PPP1R9B: variants seen among roughly 807,000 people sequenced by gnomAD.
PPP1R9B encodes the protein protein phosphatase 1 regulatory subunit 9B.
In PPP1R9B, 17 loss-of-function variants were observed where a neutral mutation model predicts 75.8. That is an observed-to-expected ratio of 0.22 (90% CI 0.15 to 0.34). PPP1R9B has a LOEUF of 0.34. Among genes scored for constraint, PPP1R9B ranks in the 10% least tolerant of loss-of-function variants. The pLI, the probability that PPP1R9B is intolerant of heterozygous loss-of-function variation, is 1.00. For synonymous variants in PPP1R9B, 509 were observed against 535.4 expected (o/e 0.95, Z 0.68); for missense variants, 875 against 1,196.0 (o/e 0.73, Z 3.96).
chr17:50,150,491 C>A lies in PPP1R9B; in HGVS notation c.23G>T (p.Gly8Val), dbSNP rs1298498691. Residue 8 changes from glycine (G) to valine (V), a missense_variant, in exon 1 of 10, where the codon GGG (glycine) becomes GTG (valine). Physicochemically the swap from Gly to Val is moderately radical, Grantham distance 109. Coordinates refer to ENST00000612501, the MANE Select transcript of PPP1R9B (RefSeq NM_032595.5). The surrounding 1 kb of genome is among the most constrained non-coding windows in gnomAD (Gnocchi z 8.7). ...GGCGCTCCGGAGGGGACCCCCGGGC[C>A]CCCGTGGCTCCGTCTTCATCATGGT... The part of the protein sequence containing the change: MMKTEPR[G>V]PGGPLRSASP... 2.2e-6 allele frequency: 3 copies of A among 1,356,586 alleles called. No homozygotes were observed. Among genetic ancestry groups the A allele is most frequent in the Non-Finnish European group, 2.9e-6 (3 of 1,051,054 alleles). 84.0% of individuals were successfully genotyped at this position (1,356,586 alleles called of 1,614,324 possible).
At chr17:50,147,580 G>C (rs968155572) in intron 1 of PPP1R9B, among the ~76,000 whole-genome samples, 2 of 151,948 alleles carry the variant, frequency 1.3e-5, no homozygotes, top group African/African-American at 4.8e-5. Flanking sequence ...AGGGTAAGGC[G>C]TCAAATATAG....
At position 50,135,657 on chromosome 17, in the gene PPP1R9B, C is replaced by T. The variant is rs370745428; in HGVS notation, c.2304-8G>A. On this transcript the variant is annotated splice_region_variant and splice_polypyrimidine_tract_variant and intron_variant, in intron 8 of 9. Transcript: ENST00000612501. ...TTCAGGAACTCGATCTCCCTGGGCA[C>T]AGGCAAGGGACAGATGGCAGGTAAG... 3.1e-6 allele frequency: 5 copies of T among 1,598,178 alleles called. No individual in the cohort carries two copies. Among genetic ancestry groups the T allele is most frequent in the South Asian group, 2.3e-5 (2 of 88,572 alleles).
Position 50,139,368 on chromosome 17 carries a change from G to A in PPP1R9B, c.2020-52C>T. ...GCTCCAGCAGGGTGGGGCAGGCAGT[G>A]CCAAGGGCAGGAGACCTGCCTGCCT... is the stretch of plus-strand genomic sequence containing the variant. On this transcript the variant is annotated intron_variant, in intron 6 of 9. Transcript: ENST00000612501. The surrounding 1 kb of genome is among the most constrained non-coding windows in gnomAD (Gnocchi z 5.0). 1 of 1,613,676 alleles carries A rather than the reference G, an allele frequency of 6.2e-7. No homozygotes were observed. The highest frequency in any genetic ancestry group is 8.5e-7 in the Non-Finnish European group (1 of 1,179,808).
chr17:50,146,357 C>T (rs989227209), intron 1 of PPP1R9B, among the ~76,000 whole-genome samples: 2 of 142,126 alleles, frequency 1.4e-5, no homozygotes, highest in Non-Finnish European at 3.1e-5. Context: ...CAGGCGGGGG[C>T]GGGGAGGGAT....
chr17:50,135,826 G>C (rs1358301950), intron 8 of PPP1R9B, 142 bp downstream of exon 8: 2 of 860,134 alleles, frequency 2.3e-6, no homozygotes, highest in Non-Finnish European at 3.6e-6. Flanking sequence ...TCTGATGCCT[G>C]GTCATTCCGG....
chr17:50,141,141 C>T, intron 4 of PPP1R9B, 128 bp downstream of exon 4: 1 of 637,842 alleles, frequency 1.6e-6, no homozygotes, highest in Non-Finnish European at 2.7e-6. Flanking sequence ...ACTCCTGCAG[C>T]CAAGGAGTCA....
At chr17:50,145,315 A>C in intron 1 of PPP1R9B, 70 bp from the exon 2 acceptor site, 1 of 1,597,618 alleles carries the variant, frequency 6.3e-7, no homozygotes, top group Non-Finnish European at 8.5e-7. Context: ...GAGGAGGCCG[A>C]GGAGGCAGGC....
intron 3 of PPP1R9B, among the ~76,000 whole-genome samples, chr17:50,141,867 G>A (rs570326322): frequency 1.9e-3 from 289 of 152,238 alleles, no homozygotes; most frequent in African/African-American, 6.7e-3. Context: ...ACCAGGAGAC[G>A]CGGCAGGCAC....
chr17:50,150,380 GC>G lies in PPP1R9B; in HGVS notation c.133del (p.Ala45ProfsTer57). On this transcript the variant is annotated frameshift_variant, in exon 1 of 10. Coordinates refer to ENST00000612501, the MANE Select transcript of PPP1R9B (RefSeq NM_032595.5). LOFTEE classifies it high-confidence loss of function. This position sits in a 1 kb window ranked among gnomAD's most constrained non-coding sequence, Gnocchi z 8.7. The stretch of plus-strand genomic sequence containing the variant: ...GTTGGAGCCATATTTCTTGTGGTGG[GC>G]CCCCTTGGGTGCCTCGTCGGGCCCG... ...APGPDEAPKG[A>X]HHKKYGSNVH... 7.1e-7 allele frequency: 1 copy of G among 1,413,770 alleles called. No homozygotes were observed. The allele number at this position is 1,413,770 out of a possible 1,614,324, so 87.6% of individuals were successfully genotyped here. A position where few individuals can be genotyped will look rare whatever the true frequency, so the allele number is the denominator to read the frequency against.
chr17:50,145,371 C>A, intron 1 of PPP1R9B, 126 bp from the exon 2 acceptor site: 2 of 1,207,184 alleles, frequency 1.7e-6, no homozygotes, highest in Non-Finnish European at 2.4e-6. Context: ...TGAGATGAGG[C>A]CTCACCCAGT....
chr17:50,139,134 G>T lies in PPP1R9B; in HGVS notation c.2073+129C>A. ...AATATCGTATCTATCATATCATCTT[G>T]CTTTAGAGCAGCTTGTTCTGTGGGT... On this transcript the variant is annotated intron_variant, in intron 7 of 9. Coordinates refer to ENST00000612501, the MANE Select transcript of PPP1R9B (RefSeq NM_032595.5). This position sits in a 1 kb window ranked among gnomAD's most constrained non-coding sequence, Gnocchi z 5.0. 1 of 993,184 alleles carries T rather than the reference G, an allele frequency of 1.0e-6. No homozygotes were observed. The highest frequency in any genetic ancestry group is 1.6e-6 in the Non-Finnish European group (1 of 623,148). 61.5% of individuals were successfully genotyped at this position (993,184 alleles called of 1,614,324 possible). A position where few individuals can be genotyped will look rare whatever the true frequency, so the allele number is the denominator to read the frequency against.
intron 2 of PPP1R9B, among the ~76,000 whole-genome samples, chr17:50,144,217 C>G (rs531671179): frequency 3.9e-4 from 59 of 152,150 alleles, no homozygotes; most frequent in Non-Finnish European, 6.6e-4. Flanking sequence ...GACCTTCCCC[C>G]ACAAACACTC....
Position 50,150,019 on chromosome 17 carries a change from G to A in PPP1R9B, c.495C>T (p.Ala165=), listed in dbSNP as rs1208678378. The change falls in exon 1 of 10, where the codon GCC becomes GCT. Residue 165 remains alanine, a synonymous_variant. Transcript: ENST00000612501. This position sits in a 1 kb window ranked among gnomAD's most constrained non-coding sequence, Gnocchi z 8.7. The stretch of plus-strand genomic sequence containing the variant: ...CCTGCCTCAGCAGCCGCCGCGCCGC[G>A]GCCTCCTTGTCGCCGCCTGCGGCCG... ...APAAAGGDKE[A]AARRLLRQER... The A allele has an allele frequency of 8.8e-6, 13 of 1,482,084 alleles. No individual in the cohort carries two copies. Among genetic ancestry groups the A allele is most frequent in the African/African-American group, 1.5e-5 (1 of 68,268 alleles). 91.8% of individuals were successfully genotyped at this position (1,482,084 alleles called of 1,614,324 possible).
chr17:50,149,691 C>G lies in PPP1R9B; in HGVS notation c.823G>C (p.Gly275Arg). The stretch of plus-strand genomic sequence containing the variant: ...ACTCGGTGCTGCGGGGGCTGCTGCC[C>G]TGCGGGGCATCGCTCTTTCTCGGCC... The part of the protein sequence containing the change: ...APAEKERCPA[G>R]QQPPQHRVAP... The change falls in exon 1 of 10, where the codon GGG becomes CGG. Residue 275 changes from glycine to arginine, a missense_variant. Gly to Arg is a moderately radical substitution (Grantham distance 125). Coordinates refer to ENST00000612501, the MANE Select transcript of PPP1R9B (RefSeq NM_032595.5). The surrounding 1 kb of genome is among the most constrained non-coding windows in gnomAD (Gnocchi z 7.2). The G allele has an allele frequency of 7.0e-7, 1 of 1,437,326 alleles. No homozygotes were observed. Among genetic ancestry groups the G allele is most frequent in the Non-Finnish European group, 9.1e-7 (1 of 1,102,618 alleles). The allele number at this position is 1,437,326 out of a possible 1,614,324, so 89.0% of individuals were successfully genotyped here. A position where few individuals can be genotyped will look rare whatever the true frequency, so the allele number is the denominator to read the frequency against.
chr17:50,150,612 G>C lies in PPP1R9B; in HGVS notation c.-99C>G. 1 of 1,181,912 alleles carries C rather than the reference G, an allele frequency of 8.5e-7. No individual in the cohort carries two copies. Among genetic ancestry groups the C allele is most frequent in the East Asian group, 3.3e-5 (1 of 30,366 alleles). 73.2% of individuals were successfully genotyped at this position (1,181,912 alleles called of 1,614,324 possible). Reference sequence around the variant, plus strand: ...CCACCGCCCCCTCCCCCCGATAAAAGAAACCCCGAAGGCCTTTTTTAGGGT... The same window carrying C: ...CCACCGCCCCCTCCCCCCGATAAAACAAACCCCGAAGGCCTTTTTTAGGGT... On this transcript the variant is annotated 5_prime_UTR_variant, in exon 1 of 10. Coordinates refer to ENST00000612501, the MANE Select transcript of PPP1R9B (RefSeq NM_032595.5). The surrounding 1 kb of genome is among the most constrained non-coding windows in gnomAD (Gnocchi z 8.7).
In PPP1R9B at chr17:50,139,589, G is replaced by C; in HGVS notation, c.1867-8C>G. The C allele has an allele frequency of 6.5e-7, 1 of 1,537,104 alleles. No individual in the cohort carries two copies. The highest frequency in any genetic ancestry group is 1.3e-5 in the South Asian group (1 of 79,414). On this transcript the variant is annotated splice_region_variant and splice_polypyrimidine_tract_variant and intron_variant, in intron 5 of 9. Transcript: ENST00000612501. The surrounding 1 kb of genome is among the most constrained non-coding windows in gnomAD (Gnocchi z 5.0). ...AGTGGCATACTCTCCCGTCTGCGAA[G>C]GGAGACCGGAGACTGTGGGCCCACC...
At chr17:50,145,317 GAGGC>G in intron 1 of PPP1R9B, 72 bp from the exon 2 acceptor site, 2 of 1,592,054 alleles carry the variant, frequency 1.3e-6, no homozygotes, top group Non-Finnish European at 1.7e-6. Context: ...GGAGGCCGAG[GAGGC>G]AGGCTGAGTT....
In PPP1R9B at chr17:50,149,054, G is replaced by A; in HGVS notation, c.1371+89C>T. The A allele has an allele frequency of 2.9e-6, 3 of 1,020,322 alleles. No homozygotes were observed. The highest frequency in any genetic ancestry group is 3.9e-6 in the Non-Finnish European group (3 of 763,626). 63.2% of individuals were successfully genotyped at this position (1,020,322 alleles called of 1,614,324 possible). Reference sequence around the variant, plus strand: ...TGGGTGGCAGGGGCTGACTCAGCCTGCCAAACCCGGCTGGCTGGCTGGCGA... The same window carrying A: ...TGGGTGGCAGGGGCTGACTCAGCCTACCAAACCCGGCTGGCTGGCTGGCGA... On this transcript the variant is annotated intron_variant, in intron 1 of 9. Coordinates refer to ENST00000612501, the MANE Select transcript of PPP1R9B (RefSeq NM_032595.5). This position sits in a 1 kb window ranked among gnomAD's most constrained non-coding sequence, Gnocchi z 7.2.
intron 7 of PPP1R9B, among the ~76,000 whole-genome samples, chr17:50,136,870 G>T (rs1427622608): frequency 6.6e-6 from 1 of 152,124 alleles, no homozygotes; most frequent in African/African-American, 2.4e-5. Context: ...TTAGCTCCCA[G>T]CTCCTCCCAG....
Sources: gnomAD v4.1 joint callset for allele counts (sites outside exome capture counted in the v4.1 genomes callset) on GRCh38, gnomAD v4.1.1 for gene constraint, Gnocchi (gnomAD v3.1) non-coding constraint, MANE v1.5 for transcripts, NCBI Gene and HGNC (gene_info 2026-07-23, HGNC 2026-07-21) for gene names.